UBE2G2: variants seen among roughly 807,000 people sequenced by gnomAD.
UBE2G2 encodes ubiquitin conjugating enzyme E2 G2, also known as ubiquitin-conjugating enzyme E2 G2.
UBE2G2 carries 10 observed loss-of-function variants against 23.0 expected under a neutral mutation model. The observed-to-expected ratio is 0.43, with a 90% CI of 0.27 to 0.74. UBE2G2 has a LOEUF of 0.74. UBE2G2 is among the 30% of genes least tolerant of loss of function. The pLI, the probability that UBE2G2 is intolerant of heterozygous loss-of-function variation, is 0.19. For missense variants in UBE2G2, 150 were observed against 218.3 expected (o/e 0.69, Z 1.97); for synonymous variants, 86 against 81.3 (o/e 1.06, Z -0.31).
intron 3 of UBE2G2, among the ~76,000 whole-genome samples, chr21:44,786,041 T>C (rs998180267): frequency 1.3e-5 from 2 of 151,494 alleles, no homozygotes; most frequent in African/African-American, 4.9e-5. Flanking sequence ...ACTGTTCCTT[T>C]AATGAGCTTC....
chr21:44,781,554 A>C (rs782290544), intron 3 of UBE2G2, among the ~76,000 whole-genome samples: 3 of 152,222 alleles, frequency 2.0e-5, no homozygotes, highest in Non-Finnish European at 4.4e-5. Flanking sequence ...AGTTAAATAG[A>C]AACTGATCCC....
At chr21:44,780,592 C>A (rs1268561543) in intron 3 of UBE2G2, among the ~76,000 whole-genome samples, 1 of 152,242 alleles carries the variant, frequency 6.6e-6, no homozygotes, top group South Asian at 2.1e-4. Flanking sequence ...CATAATGACC[C>A]TGCACTCTAC....
intron 1 of UBE2G2, among the ~76,000 whole-genome samples, chr21:44,797,784 G>A (rs2083105571): frequency 6.7e-6 from 1 of 150,018 alleles, no homozygotes; most frequent in Admixed American, 6.7e-5. Flanking sequence ...CTAGAAATAG[G>A]GCTAAAATAA....
At chr21:44,794,769 C>G (rs1469265031) in intron 1 of UBE2G2, among the ~76,000 whole-genome samples, 1 of 152,058 alleles carries the variant, frequency 6.6e-6, no homozygotes, top group Non-Finnish European at 1.5e-5. Flanking sequence ...CTCCTGACCT[C>G]GTGATCCGCC....
intron 1 of UBE2G2, among the ~76,000 whole-genome samples, chr21:44,798,658 CTGAG>C (rs2083112477): frequency 6.6e-6 from 1 of 152,216 alleles, no homozygotes; most frequent in South Asian, 2.1e-4. Flanking sequence ...ATTGTAGCAA[CTGAG>C]TGACATCTTC....
intron 4 of UBE2G2, chr21:44,774,926 C>T: frequency 6.0e-6 from 2 of 333,470 alleles, no homozygotes; most frequent in East Asian, 9.5e-5. Flanking sequence ...CCACACACAT[C>T]TCTTTATCTT....
In UBE2G2 at chr21:44,777,303, G is replaced by C; in HGVS notation, c.240C>G (p.Pro80=). The C allele has an allele frequency of 1.2e-6, 2 of 1,613,454 alleles. No homozygotes were observed. The highest frequency in any genetic ancestry group is 1.7e-6 in the Non-Finnish European group (2 of 1,179,614). Residue 80 remains proline, a synonymous_variant, in exon 4 of 6, where the codon CCC becomes CCG. Coordinates refer to ENST00000345496, the MANE Select transcript of UBE2G2 (RefSeq NM_003343.6). The part of the protein sequence containing the change: ...KMRFTCEMFH[P]NIYPDGRVCI... ...ACTACTTCCAAAAGCACTTACTGTT[G>C]GGATGAAACATCTCACAGGTAAATC... is the stretch of plus-strand genomic sequence containing the variant.
At position 44,793,914 on chromosome 21, in the gene UBE2G2, C is replaced by T. The variant is rs530708720; in HGVS notation, c.44-5819G>A. Among the ~76,000 whole-genome samples, 31 of 152,240 alleles carry T rather than the reference C, an allele frequency of 2.0e-4. 1 individual carries two copies. The highest frequency in any genetic ancestry group is 7.5e-4 in the African/African-American group (31 of 41,532). On this transcript the variant is annotated intron_variant, in intron 1 of 5. Transcript: ENST00000345496. ...GAGTGTCTATCAACAGAGGACCAGT[C>T]AAATTATGATACATATACCAGTGGG...
At chr21:44,801,588 C>T (rs1486728714) in intron 1 of UBE2G2, 118 bp downstream of exon 1, 4 of 1,327,404 alleles carry the variant, frequency 3.0e-6, no homozygotes, top group Non-Finnish European at 3.9e-6. Context: ...GGGGGGCTCA[C>T]GGTGGAGGCC....
intron 3 of UBE2G2, among the ~76,000 whole-genome samples, chr21:44,784,760 C>T (rs1164117645): frequency 2.6e-5 from 4 of 152,168 alleles, no homozygotes; most frequent in Admixed American, 2.6e-4. Context: ...AACTGGGCCC[C>T]AAACACACCA....
At chr21:44,799,450 T>C (rs1555964383) in intron 1 of UBE2G2, among the ~76,000 whole-genome samples, 2 of 152,250 alleles carry the variant, frequency 1.3e-5, no homozygotes, top group African/African-American at 4.8e-5. Flanking sequence ...CTAGATCTTC[T>C]GGAGACCTTG....
chr21:44,797,305 C>A (rs564095245), intron 1 of UBE2G2, among the ~76,000 whole-genome samples: 71 of 152,350 alleles, frequency 4.7e-4, no homozygotes, highest in African/African-American at 1.7e-3. Flanking sequence ...AAAGGGAGAA[C>A]ATATCTTTGC....
chr21:44,784,418 TTATTAC>T (rs2082979939), intron 3 of UBE2G2, among the ~76,000 whole-genome samples: 1 of 121,960 alleles, frequency 8.2e-6, no homozygotes. Context: ...TTTTTTATTA[TTATTAC>T]TGCAATGAAT....
At chr21:44,790,208 C>T (rs1555962758) in intron 1 of UBE2G2, among the ~76,000 whole-genome samples, 1 of 152,162 alleles carries the variant, frequency 6.6e-6, no homozygotes, top group African/African-American at 2.4e-5. Flanking sequence ...ACTTAAAGTG[C>T]TGGCAAGTTT....
chr21:44,771,278 C>A lies in UBE2G2; in HGVS notation c.*99G>T. On this transcript the variant is annotated 3_prime_UTR_variant, in exon 6 of 6. Transcript: ENST00000345496. The surrounding 1 kb of genome is among the most constrained non-coding windows in gnomAD (Gnocchi z 4.6). ...GATGCCATGGTTCTTGCAAGTCTGC[C>A]TTGTTTGGTACCAGCACAGAGCATC... The A allele has an allele frequency of 9.0e-7, 1 of 1,108,322 alleles. No homozygotes were observed. Among genetic ancestry groups the A allele is most frequent in the South Asian group, 1.4e-5 (1 of 70,210 alleles). 68.7% of individuals were successfully genotyped at this position (1,108,322 alleles called of 1,614,324 possible).
chr21:44,798,177 T>A (rs895291063), intron 1 of UBE2G2, among the ~76,000 whole-genome samples: 6 of 152,112 alleles, frequency 3.9e-5, no homozygotes, highest in Non-Finnish European at 5.9e-5. Flanking sequence ...AAATAAATAA[T>A]TATTATTTGC....
At chr21:44,783,633 T>G (rs1462605838) in intron 3 of UBE2G2, among the ~76,000 whole-genome samples, 5 of 152,222 alleles carry the variant, frequency 3.3e-5, no homozygotes, top group African/African-American at 1.2e-4. Flanking sequence ...AGACAGTGTA[T>G]GATTCCACAC....
intron 4 of UBE2G2, chr21:44,774,924 A>T (rs1488285432): frequency 1.8e-5 from 6 of 332,464 alleles, no homozygotes; most frequent in Admixed American, 4.4e-5. Context: ...ATCCACACAC[A>T]TCTCTTTATC....
rs2082892057 is a variant in UBE2G2 at position 44,773,761 on chromosome 21, C to T, written c.245-74G>A. On this transcript the variant is annotated intron_variant, in intron 4 of 5. Transcript: ENST00000345496. ...CATCGCCGCGCTTGGGCAGGCTCCACAGATAATGAGAACAAAGACTGCAGA... is the reference window on the plus strand; with the variant it reads ...CATCGCCGCGCTTGGGCAGGCTCCATAGATAATGAGAACAAAGACTGCAGA... 6.3e-5 allele frequency: 98 copies of T among 1,563,826 alleles called. 1 individual carries two copies. In the South Asian group the frequency reaches 1.1e-3, roughly 18 times the overall value.
Sources: gnomAD v4.1 joint callset for allele counts (sites outside exome capture counted in the v4.1 genomes callset) on GRCh38, gnomAD v4.1.1 for gene constraint, Gnocchi (gnomAD v3.1) non-coding constraint, MANE v1.5 for transcripts, NCBI Gene and HGNC (gene_info 2026-07-23, HGNC 2026-07-21) for gene names.